Variants in EWSR1 observed in about 807,000 individuals in gnomAD.
EWSR1 encodes the protein RNA-binding protein EWS.
EWSR1 carries 14 observed loss-of-function variants against 92.1 expected under a neutral mutation model. The observed-to-expected ratio is 0.15, with a 90% CI of 0.10 to 0.24. EWSR1 has a LOEUF of 0.24. Ranked by LOEUF, EWSR1 falls within the 10% of genes least tolerant of loss-of-function variation. The pLI is 1.00. For synonymous variants in EWSR1, 303 were observed against 292.9 expected, an observed-to-expected ratio of 1.03 and a Z score of -0.35; for missense variants, 637 against 870.9, an observed-to-expected ratio of 0.73 and a Z score of 3.38.
chr22:29,292,343 A>T, intron 10 of EWSR1, 145 bp from the exon 11 acceptor site: 1 of 937,906 alleles, frequency 1.1e-6, no homozygotes, highest in Non-Finnish European at 1.7e-6. Context: ...AGTGAAGTAA[A>T]CCAAAAGTTT....
chr22:29,294,604 C>CAAA (rs1029749874), intron 11 of EWSR1, among the ~76,000 whole-genome samples: 1 of 65,190 alleles, frequency 1.5e-5, no homozygotes, highest in Non-Finnish European at 3.3e-5. Flanking sequence ...GACTCCGCCT[C>CAAA]AAAAAAAAAA....
chr22:29,273,932 C>T, intron 4 of EWSR1, 68 bp downstream of exon 4: 1 of 1,589,318 alleles, frequency 6.3e-7, no homozygotes, highest in South Asian at 1.1e-5. Context: ...GCTTATTAGT[C>T]ATGCTTTCGG....
chr22:29,296,144 G>A (rs2060842614), intron 11 of EWSR1, 95 bp from the exon 12 acceptor site: 1 of 1,278,604 alleles, frequency 7.8e-7, no homozygotes, highest in South Asian at 1.4e-5. Flanking sequence ...CTTACTACAT[G>A]TGAGAAATTG....
At position 29,271,965 on chromosome 22, in the gene EWSR1, A is replaced by G. The variant is rs2058712622; in HGVS notation, c.14-251A>G. ...TGGGTTTTGTGGTCATGGGAACATAAAAAGTATACCTGCCAAATCAGCTGA... is the reference window on the plus strand; with the variant it reads ...TGGGTTTTGTGGTCATGGGAACATAGAAAGTATACCTGCCAAATCAGCTGA... On this transcript the variant is annotated intron_variant, in intron 1 of 16. Coordinates refer to ENST00000397938, the MANE Select transcript of EWSR1 (RefSeq NM_005243.4). Among the ~76,000 whole-genome samples the G allele has an allele frequency of 1.3e-5, 2 of 152,216 alleles. 1 individual carries two copies. Among genetic ancestry groups the G allele is most frequent in the Non-Finnish European group, 2.9e-5 (2 of 68,038 alleles).
intron 4 of EWSR1, chr22:29,276,171 A>G (rs1479483110): frequency 4.3e-6 from 1 of 230,818 alleles, no homozygotes; most frequent in Admixed American, 5.7e-5. Flanking sequence ...AATCTTATAG[A>G]CGTGTCATGT....
At chr22:29,292,719 T>G in intron 11 of EWSR1, 113 bp downstream of exon 11, 1 of 639,454 alleles carries the variant, frequency 1.6e-6, no homozygotes, top group South Asian at 2.4e-5. Context: ...CCTGACTTCT[T>G]TCTAGGTATC....
intron 6 of EWSR1, among the ~76,000 whole-genome samples, chr22:29,284,277 C>T (rs987506865): frequency 1.3e-5 from 2 of 151,476 alleles, no homozygotes; most frequent in African/African-American, 4.9e-5. Context: ...CATGCCCAGC[C>T]TGCAAGTTTT....
At chr22:29,291,488 C>G in intron 8 of EWSR1, 74 bp from the exon 9 acceptor site, 8 of 1,454,584 alleles carry the variant, frequency 5.5e-6, no homozygotes, top group Non-Finnish European at 5.7e-6. Context: ...TTCTTCCCCA[C>G]GAGCCCCCCC....
At chr22:29,286,742 T>G (rs1312075519) in intron 6 of EWSR1, among the ~76,000 whole-genome samples, 181 bp from the exon 7 acceptor site, 1 of 152,042 alleles carries the variant, frequency 6.6e-6, no homozygotes, top group Non-Finnish European at 1.5e-5. Flanking sequence ...CATTTAATGT[T>G]TTATTCTGAA....
Position 29,282,513 on chromosome 22 carries a change from C to T in EWSR1, c.537C>T (p.Tyr179=), listed in dbSNP as rs376539678. ...NYSYPQVPGS[Y]PMQPVTAPPS... ...GTTATCCCCAGGTACCTGGGAGCTACCCCATGCAGCCAGTCACTGCACCTC... is the reference window on the plus strand; with the variant it reads ...GTTATCCCCAGGTACCTGGGAGCTATCCCATGCAGCCAGTCACTGCACCTC... The change falls in exon 6 of 17, where the codon TAC becomes TAT. Residue 179 remains tyrosine, a synonymous_variant. Coordinates refer to ENST00000397938, the MANE Select transcript of EWSR1 (RefSeq NM_005243.4). 1.1e-5 allele frequency: 17 copies of T among 1,551,862 alleles called. No individual in the cohort carries two copies. Among genetic ancestry groups the T allele is most frequent in the Non-Finnish European group, 1.5e-5 (17 of 1,156,724 alleles).
chr22:29,268,428 T>C (rs2146564963), intron 1 of EWSR1, 79 bp downstream of exon 1: 1 of 1,612,560 alleles, frequency 6.2e-7, no homozygotes, highest in East Asian at 2.2e-5. Context: ...TGGGCTTGGC[T>C]GGGAAGACTG....
chr22:29,272,833 C>T (rs568877345), intron 3 of EWSR1, among the ~76,000 whole-genome samples: 14 of 152,264 alleles, frequency 9.2e-5, no homozygotes, highest in East Asian at 5.8e-4. Context: ...CAGTAAGTGG[C>T]GGGGTTAGCT....
At chr22:29,296,651 G>C (rs1034625146) in intron 12 of EWSR1, among the ~76,000 whole-genome samples, 4 of 152,172 alleles carry the variant, frequency 2.6e-5, no homozygotes, top group African/African-American at 9.7e-5. Flanking sequence ...GAACATCTTA[G>C]CCAGTGTACA....
intron 4 of EWSR1, 184 bp from the exon 5 acceptor site, chr22:29,277,846 G>T: frequency 1.8e-6 from 1 of 566,506 alleles, no homozygotes; most frequent in Non-Finnish European, 3.1e-6. Flanking sequence ...CAAAAACTAG[G>T]TACATTCAGA....
Position 29,273,808 on chromosome 22 carries a change from C to A in EWSR1, c.170C>A (p.Thr57Asn). ...PTDVSYTQAQTTATYGQTAYA... is the reference protein window; with the variant it reads ...PTDVSYTQAQNTATYGQTAYA... ...GATGTCAGCTATACCCAGGCTCAGA[C>A]CACTGCAACCTATGGGCAGACCGCC... The change falls in exon 4 of 17, where the codon ACC (threonine) becomes AAC (asparagine). Residue 57 changes from threonine (T) to asparagine (N), a missense_variant. This residue lies in a region of EWSR1 where 144 missense variants were observed against 189.0 expected (regional missense o/e 0.76). Coordinates refer to ENST00000397938, the MANE Select transcript of EWSR1 (RefSeq NM_005243.4). 1.2e-6 allele frequency: 2 copies of A among 1,614,016 alleles called. No individual in the cohort carries two copies. The highest frequency in any genetic ancestry group is 1.7e-6 in the Non-Finnish European group (2 of 1,179,954).
intron 6 of EWSR1, among the ~76,000 whole-genome samples, chr22:29,285,148 G>A (rs1370688000): frequency 1.5e-5 from 2 of 132,978 alleles, no homozygotes; most frequent in African/African-American, 3.1e-5. Flanking sequence ...TTTTGAGATG[G>A]AGTTTTGCTC....
At chr22:29,279,412 A>G (rs140062) in intron 5 of EWSR1, among the ~76,000 whole-genome samples, 49,804 of 152,126 alleles carry the variant, frequency 0.33, 9,695 homozygotes, top group Admixed American at 0.47. Context: ...ACTTCCCTAC[A>G]TTGTATAGAG....
chr22:29,299,995 TGGAAGGGC>T, intron 16 of EWSR1, 119 bp from the exon 17 acceptor site: 9 of 1,156,328 alleles, frequency 7.8e-6, no homozygotes. Context: ...CTGGGGGCTC[TGGAAGGGC>T]TTCCTCACCC....
At position 29,268,412 on chromosome 22, in the gene EWSR1, C is replaced by G. The variant is rs371636788; in HGVS notation, c.13+63C>G. The G allele has an allele frequency of 1.8e-5, 29 of 1,613,432 alleles. No individual in the cohort carries two copies. In the South Asian group the frequency reaches 2.5e-4, roughly 14 times the overall value. On this transcript the variant is annotated intron_variant, in intron 1 of 16. Transcript: ENST00000397938. ...CGGAACGCCCAAACTGGGGGTCGTT[C>G]GTCTCTGGGCTTGGCTGGGAAGACT...
Sources: gnomAD v4.1 joint callset for allele counts (sites outside exome capture counted in the v4.1 genomes callset) on GRCh38, gnomAD v4.1.1 for gene constraint, gnomAD v4.1.1 regional missense constraint, MANE v1.5 for transcripts, NCBI Gene and HGNC (gene_info 2026-07-23, HGNC 2026-07-21) for gene names.